Variants in FAT2 observed in about 807,000 individuals in gnomAD.
FAT2 encodes the protein FAT atypical cadherin 2.
In FAT2, 150 loss-of-function variants were observed where a neutral mutation model predicts 295.3. The ratio of observed to expected loss-of-function variants is 0.51; its 90% CI spans 0.44 to 0.58. The LOEUF (loss-of-function observed/expected upper bound fraction) is 0.58, where lower values mean the gene tolerates loss of function less well. FAT2 is among the 20% of genes least tolerant of loss of function. FAT2 has a pLI of 0.00. For synonymous variants in FAT2, 2,026 were observed against 2,150.3 expected (o/e 0.94, Z 1.60); for missense variants, 4,868 against 5,442.7 (o/e 0.89, Z 3.32).
chr5:151,527,106 C>T, intron 17 of FAT2, 128 bp downstream of exon 17: 4 of 947,368 alleles, frequency 4.2e-6, no homozygotes, highest in Non-Finnish European at 6.4e-6. Context: ...GTCTGTGTTG[C>T]CTTTGGGGAC....
upstream of FAT2, among the ~76,000 whole-genome samples, chr5:151,593,112 G>C (rs6872492): frequency 0.42 from 63,953 of 152,110 alleles, 14,399 homozygotes; most frequent in East Asian, 0.71. Context: ...GGAGTTGCAG[G>C]GTGAGGGGAC....
At chr5:151,589,216 G>A (rs940203808) in intron 1 of FAT2, among the ~76,000 whole-genome samples, 2 of 151,986 alleles carry the variant, frequency 1.3e-5, no homozygotes, top group East Asian at 1.9e-4. Context: ...GTCCCCAACC[G>A]TACCAACTCC....
rs191250164 is a variant in FAT2 at position 151,506,957 on chromosome 5, C to G, written c.12517+197G>C. Among the ~76,000 whole-genome samples, 4 of 152,306 alleles carry G rather than the reference C, an allele frequency of 2.6e-5. 1 individual carries two copies. The South Asian group carries it at 6.2e-4, about 24-fold the overall frequency. On this transcript the variant is annotated intron_variant, in intron 23 of 23. Transcript: ENST00000261800. ...GAGTGACTTGGAATTTAAAGGAGTG[C>G]AATAGAATGAGCCTCAGAAACCTGG...
intron 1 of FAT2, among the ~76,000 whole-genome samples, chr5:151,576,869 T>G (rs1758768541): frequency 6.6e-6 from 1 of 152,152 alleles, no homozygotes; most frequent in Non-Finnish European, 1.5e-5. Flanking sequence ...TGGTGACGCT[T>G]ACTACACACC....
rs1373104024 is a variant in FAT2, at chr5:151,544,766, A to C, written c.6361T>G (p.Tyr2121Asp). The change falls in exon 10 of 24, where the codon TAT (tyrosine) becomes GAT (aspartate). Residue 2121 changes from tyrosine to aspartate, a missense_variant. Physicochemically the swap from Tyr to Asp is radical, Grantham distance 160 (BLOSUM62 -3). This residue lies in a region of FAT2 where 3,297 missense variants were observed against 3,669.4 expected (regional missense o/e 0.90). Transcript: ENST00000261800. ...EDYTYFRIDP[Y>D]LGDISLKKPF... is the part of the protein sequence containing the mutation. Reference sequence around the variant, plus strand: ...TTCTTGAGTGATATGTCCCCAAGATAGGGGTCAATTCGGAAATATGTGTAA... The same window carrying C: ...TTCTTGAGTGATATGTCCCCAAGATCGGGGTCAATTCGGAAATATGTGTAA... 1 of 1,614,190 alleles carries C rather than the reference A, an allele frequency of 6.2e-7. No homozygotes were observed. The highest frequency in any genetic ancestry group is 1.1e-5 in the South Asian group (1 of 91,078).
At position 151,549,306 on chromosome 5, in the gene FAT2, G is replaced by C. The variant is rs1321879909; in HGVS notation, c.4778C>G (p.Ser1593Cys). 2.5e-6 allele frequency: 4 copies of C among 1,612,798 alleles called. No individual in the cohort carries two copies. Among genetic ancestry groups the C allele is most frequent in the Non-Finnish European group, 3.4e-6 (4 of 1,179,942 alleles). ...GCCAGGCCTCTCACCTTTCAGGAGGGAGTAGTGGACCTCAGCATTGACTCC... is the reference window on the plus strand; with the variant it reads ...GCCAGGCCTCTCACCTTTCAGGAGGCAGTAGTGGACCTCAGCATTGACTCC... ...DRGVNAEVHY[S>C]LLKGNSEGFF... The change falls in exon 9 of 24, where the codon TCC becomes TGC. Residue 1593 changes from serine to cysteine, a missense_variant. Transcript: ENST00000261800.
intron 20 of FAT2, among the ~76,000 whole-genome samples, chr5:151,513,744 C>T (rs942844792): frequency 5.3e-5 from 8 of 152,068 alleles, no homozygotes; most frequent in South Asian, 2.1e-4. Context: ...CGAAACTAAA[C>T]TAAAAATTGG....
chr5:151,556,292 G>A (rs2127634624), intron 4 of FAT2, 52 bp downstream of exon 4: 3 of 1,508,160 alleles, frequency 2.0e-6, no homozygotes, highest in Non-Finnish European at 2.8e-6. Flanking sequence ...TGGCTCCAAG[G>A]CCTAACATGG....
In FAT2 at chr5:151,554,459, A is replaced by G; in HGVS notation, c.3848T>C (p.Ile1283Thr). 5 of 1,614,182 alleles carry G rather than the reference A, an allele frequency of 3.1e-6. No individual in the cohort carries two copies. Among genetic ancestry groups the G allele is most frequent in the Non-Finnish European group, 4.2e-6 (5 of 1,180,024 alleles). ...GAAGGCCTCCTCATCGCTGTCCTCG[A>G]TACTGTAGGTGACTCTGCCATTAAG... ...EGLNGRVTYS[I>T]EDSDEEAFSI... The change falls in exon 5 of 24, where the codon ATC becomes ACC. Residue 1283 changes from isoleucine to threonine, a missense_variant. Ile to Thr is a moderately conservative substitution (Grantham distance 89). This residue lies in a region of FAT2 where 3,297 missense variants were observed against 3,669.4 expected (regional missense o/e 0.90). Coordinates refer to ENST00000261800, the MANE Select transcript of FAT2 (RefSeq NM_001447.3).
intron 2 of FAT2, 27 bp downstream of exon 2, chr5:151,565,646 C>CT: frequency 2.0e-6 from 3 of 1,513,842 alleles, no homozygotes; most frequent in East Asian, 2.3e-5. Flanking sequence ...CTGGCCCTGG[C>CT]ACCCCACCCT....
rs1475674646 is a variant in FAT2, at chr5:151,566,817, A to G, written c.2115T>C (p.Tyr705=). 1 of 1,614,056 alleles carries G rather than the reference A, an allele frequency of 6.2e-7. No individual in the cohort carries two copies. Among genetic ancestry groups the G allele is most frequent in the Non-Finnish European group, 8.5e-7 (1 of 1,180,020 alleles). Residue 705 remains tyrosine, a synonymous_variant, in exon 2 of 24, where the codon TAT becomes TAC. Coordinates refer to ENST00000261800, the MANE Select transcript of FAT2 (RefSeq NM_001447.3). ...SDEEFTSLST[Y]QINHYTPQFE... ...ACTGTGGGGTGTAATGATTAATCTG[A>G]TATGTGCTTAAAGAAGTGAATTCCT...
rs1399710458 is a variant in FAT2, at chr5:151,567,723, A to G, written c.1209T>C (p.Asn403=). 12 of 1,614,030 alleles carry G rather than the reference A, an allele frequency of 7.4e-6. No individual in the cohort carries two copies. The East Asian group carries it at 2.5e-4, about 33-fold the overall frequency. ...TTCGAGCATTAAGTTTAAATCCTACATTCTCTGAAGATGGCTTTAGAACAT... is the reference window on the plus strand; with the variant it reads ...TTCGAGCATTAAGTTTAAATCCTACGTTCTCTGAAGATGGCTTTAGAACAT... The part of the protein sequence containing the change: ...LQYVLKPSSE[N]VGFKLNARTG... The change falls in exon 2 of 24, where the codon AAT becomes AAC. Residue 403 remains asparagine, a synonymous_variant. Transcript: ENST00000261800.
intron 3 of FAT2, among the ~76,000 whole-genome samples, chr5:151,563,067 T>C (rs567971769): frequency 1.3e-5 from 2 of 152,350 alleles, no homozygotes; most frequent in South Asian, 4.1e-4. Context: ...CTTTTCATTT[T>C]CACATAGAGA....
In FAT2 at chr5:151,563,582, G is replaced by A. The variant is rs752927057; in HGVS notation, c.3317C>T (p.Thr1106Met). Reference sequence around the variant, plus strand: ...AGAACCCCTGTCCACTGCTAATACCGTCAACCAGTAGTAAGATGCAAATTC... The same window carrying A: ...AGAACCCCTGTCCACTGCTAATACCATCAACCAGTAGTAAGATGCAAATTC... ...DREFASYYWL[T>M]VLAVDRGSVP... The change falls in exon 3 of 24, where the codon ACG becomes ATG. Residue 1106 changes from threonine to methionine, a missense_variant. Transcript: ENST00000261800. 2.4e-5 allele frequency: 39 copies of A among 1,614,004 alleles called. No homozygotes were observed. Among genetic ancestry groups the A allele is most frequent in the Admixed American group, 1.5e-4 (9 of 59,998 alleles).
intron 2 of FAT2, among the ~76,000 whole-genome samples, 194 bp downstream of exon 2, chr5:151,565,479 G>C (rs942279768): frequency 3.3e-5 from 5 of 151,856 alleles, no homozygotes; most frequent in African/African-American, 1.2e-4. Flanking sequence ...ATGTGTATAT[G>C]CACATATATA....
rs150891608 is a variant in FAT2, at chr5:151,566,873, T to C, written c.2059A>G (p.Ile687Val). The change falls in exon 2 of 24, where the codon ATT (isoleucine) becomes GTT (valine). Residue 687 changes from isoleucine (I) to valine (V), a missense_variant. Transcript: ENST00000261800. ...TQFTKTILHF[I>V]GLQNQESSDE... ...CTGGACTCCTGGTTCTGAAGCCCAA[T>C]AAAGTGGAGGATAGTCTTTGTGAAT... The C allele has an allele frequency of 1.5e-4, 243 of 1,614,046 alleles. 2 individuals are homozygous for C. Among genetic ancestry groups the C allele is most frequent in the Middle Eastern group, 6.6e-4 (4 of 6,084 alleles).
At position 151,567,498 on chromosome 5, in the gene FAT2, C is replaced by A; in HGVS notation, c.1434G>T (p.Leu478Phe). Residue 478 changes from leucine to phenylalanine, a missense_variant, in exon 2 of 24, where the codon TTG (leucine) becomes TTT (phenylalanine). Around this residue, in one of 5 missense-constraint regions of FAT2, gnomAD observed 3,297 missense variants for 3,669.4 expected, o/e 0.90. Transcript: ENST00000261800. Reference protein sequence around the residue: ...DENIPPGTSVLAVTATDRDHG... With the variant: ...DENIPPGTSVFAVTATDRDHG... ...GATCCCGGTCAGTGGCAGTCACAGCCAAAACACTGGTGCCTGGAGGGATGT... is the reference window on the plus strand; with the variant it reads ...GATCCCGGTCAGTGGCAGTCACAGCAAAAACACTGGTGCCTGGAGGGATGT... The A allele has an allele frequency of 1.2e-6, 2 of 1,614,058 alleles. No homozygotes were observed. Among genetic ancestry groups the A allele is most frequent in the Non-Finnish European group, 1.7e-6 (2 of 1,179,994 alleles).
Position 151,531,882 on chromosome 5 carries a change from T to C in FAT2, c.9516A>G (p.Glu3172=). ...CCTGGGGCCTGACCTGCAGCGGCTT[T>C]TCCAGGCGGATCACCCCCGTGGTGG... is the stretch of plus-strand genomic sequence containing the variant. ...IDATTGVIRL[E]KPLQVRPQAP... The change falls in exon 14 of 24, where the codon GAA becomes GAG. Residue 3172 remains glutamate, a synonymous_variant. Transcript: ENST00000261800. The surrounding 1 kb of genome is among the most constrained non-coding windows in gnomAD (Gnocchi z 5.7). 1.2e-6 allele frequency: 2 copies of C among 1,614,134 alleles called. No individual in the cohort carries two copies. Among genetic ancestry groups the C allele is most frequent in the Non-Finnish European group, 8.5e-7 (1 of 1,180,020 alleles).
At position 151,527,991 on chromosome 5, in the gene FAT2, C is replaced by T. The variant is rs752593937; in HGVS notation, c.10164+5G>A. 2 of 1,613,772 alleles carry T rather than the reference C, an allele frequency of 1.2e-6. No homozygotes were observed. The highest frequency in any genetic ancestry group is 2.2e-5 in the East Asian group (1 of 44,886). The stretch of plus-strand genomic sequence containing the variant: ...CTCAGGGTGCGCCCCTCCCACATGA[C>T]TCACCTGTTCCCGGTCCAGGGCCTT... On this transcript the variant is annotated splice_donor_5th_base_variant and intron_variant, in intron 16 of 23. Coordinates refer to ENST00000261800, the MANE Select transcript of FAT2 (RefSeq NM_001447.3).
Sources: gnomAD v4.1 joint callset for allele counts (sites outside exome capture counted in the v4.1 genomes callset) on GRCh38, gnomAD v4.1.1 for gene constraint, gnomAD v4.1.1 regional missense constraint, Gnocchi (gnomAD v3.1) non-coding constraint, MANE v1.5 for transcripts, NCBI Gene and HGNC (gene_info 2026-07-23, HGNC 2026-07-21) for gene names.